The following PCDHA10 variants were observed in gnomAD, a reference collection of about 807,000 sequenced individuals.
PCDHA10 encodes protocadherin alpha-10.
In PCDHA10, 45 loss-of-function variants were observed where a neutral mutation model predicts 61.2. The observed-to-expected ratio is 0.74, with a 90% CI of 0.58 to 0.94. PCDHA10 has a LOEUF of 0.94. PCDHA10 is among the 40% of genes least tolerant of loss of function. The pLI is 0.00. For missense variants in PCDHA10, 1,278 were observed against 1,236.2 expected, an observed-to-expected ratio of 1.03 and a Z score of -0.51; for synonymous variants, 602 against 548.8, an observed-to-expected ratio of 1.10 and a Z score of -1.35.
intron 1 of PCDHA10, chr5:140,870,013 A>C: frequency 6.2e-7 from 1 of 1,613,716 alleles, no homozygotes; most frequent in Non-Finnish European, 8.5e-7. Context: ...AGTGAGGGTC[A>C]ATGGAACTTT....
chr5:140,976,691 C>T (rs1219355793), intron 1 of PCDHA10, among the ~76,000 whole-genome samples: 1 of 152,126 alleles, frequency 6.6e-6, no homozygotes, highest in Non-Finnish European at 1.5e-5. Context: ...AATTTAAGTA[C>T]AATAATGTTG....
intron 3 of PCDHA10, among the ~76,000 whole-genome samples, chr5:141,001,004 T>C (rs2097982470): frequency 1.3e-5 from 2 of 152,368 alleles, no homozygotes; most frequent in South Asian, 4.1e-4. Flanking sequence ...TTTAAATATG[T>C]ATTTAGATAT....
rs113142258 is a variant in PCDHA10, at chr5:140,939,756, T to C, written c.2389-39193T>C. 3.3e-3 allele frequency among the ~76,000 whole-genome samples: 504 copies of C among 152,358 alleles called. 2 individuals carry two copies. Among genetic ancestry groups the C allele is most frequent in the African/African-American group, 0.012 (483 of 41,584 alleles). Reference sequence around the variant, plus strand: ...AGCTGTGTATCATTCATTGTCATTATATAGTATTTCAGGGTGTGAATGGTC... The same window carrying C: ...AGCTGTGTATCATTCATTGTCATTACATAGTATTTCAGGGTGTGAATGGTC... On this transcript the variant is annotated intron_variant, in intron 1 of 3. Transcript: ENST00000307360.
At chr5:140,874,436 C>T (rs1407636354) in intron 1 of PCDHA10, among the ~76,000 whole-genome samples, 3 of 152,286 alleles carry the variant, frequency 2.0e-5, no homozygotes, top group East Asian at 3.9e-4. Flanking sequence ...GAAGCATGTC[C>T]TAACTACTAA....
intron 1 of PCDHA10, chr5:140,870,599 G>A: frequency 6.2e-7 from 1 of 1,613,396 alleles, no homozygotes; most frequent in South Asian, 1.1e-5. Flanking sequence ...CGGCGGTTGG[G>A]CGACCGCGCG....
In PCDHA10 at chr5:140,900,825, C is replaced by T. The variant is rs568337253; in HGVS notation, c.2388+42389C>T. On this transcript the variant is annotated intron_variant, in intron 1 of 3. Coordinates refer to ENST00000307360, the MANE Select transcript of PCDHA10 (RefSeq NM_018901.4). Reference sequence around the variant, plus strand: ...TGCTTGTACTAATTTACATTCCCACCAACAATGTACAAAGTTTCCCTTTTT... The same window carrying T: ...TGCTTGTACTAATTTACATTCCCACTAACAATGTACAAAGTTTCCCTTTTT... Among the ~76,000 whole-genome samples, 8 of 152,276 alleles carry T rather than the reference C, an allele frequency of 5.3e-5. No homozygotes were observed. The South Asian group carries it at 1.7e-3, about 32-fold the overall frequency.
intron 1 of PCDHA10, among the ~76,000 whole-genome samples, chr5:140,950,208 C>G (rs1377059178): frequency 1.3e-5 from 2 of 151,900 alleles, no homozygotes; most frequent in Non-Finnish European, 2.9e-5. Context: ...TTCTGTTTAC[C>G]TAGTCATTTA....
chr5:140,863,407 C>A (rs1343146552), intron 1 of PCDHA10: 4 of 788,794 alleles, frequency 5.1e-6, no homozygotes, highest in African/African-American at 1.7e-5. Flanking sequence ...CAAGCCCACG[C>A]TGGTGTACCG....
intron 1 of PCDHA10, among the ~76,000 whole-genome samples, chr5:140,947,308 A>G (rs1554218155): frequency 1.3e-5 from 2 of 151,606 alleles, no homozygotes; most frequent in Non-Finnish European, 3.0e-5. Context: ...ACATCTTTGT[A>G]AAAAGTCGGT....
At chr5:140,865,558 T>C (rs991717581) in intron 1 of PCDHA10, 1 of 152,224 alleles carries the variant, frequency 6.6e-6, no homozygotes, top group Non-Finnish European at 1.5e-5. Flanking sequence ...AGAGCCAATA[T>C]TGATCAGTAA....
At chr5:140,953,227 G>A (rs269546) in intron 1 of PCDHA10, among the ~76,000 whole-genome samples, 34,007 of 151,960 alleles carry the variant, frequency 0.22, 4,902 homozygotes, top group African/African-American at 0.41. Flanking sequence ...GCTTCTGCTT[G>A]GTAGCAGTTC....
chr5:140,977,484 G>A (rs2096763384), intron 1 of PCDHA10, among the ~76,000 whole-genome samples: 1 of 152,220 alleles, frequency 6.6e-6, no homozygotes. Flanking sequence ...TTTATGCTAT[G>A]TTATATGGAA....
intron 2 of PCDHA10, among the ~76,000 whole-genome samples, chr5:140,981,116 A>G (rs533489885): frequency 6.6e-6 from 1 of 152,344 alleles, no homozygotes; most frequent in African/African-American, 2.4e-5. Flanking sequence ...TCTACTGGAT[A>G]TGTTGTTTGA....
At chr5:140,991,505 G>T (rs2097456335) in intron 3 of PCDHA10, among the ~76,000 whole-genome samples, 1 of 152,180 alleles carries the variant, frequency 6.6e-6, no homozygotes, top group Admixed American at 6.5e-5. Context: ...AGTTTCACTG[G>T]CTAAAATCAA....
chr5:140,982,649 G>T, intron 3 of PCDHA10, 86 bp downstream of exon 3: 2 of 1,504,320 alleles, frequency 1.3e-6, no homozygotes, highest in South Asian at 1.3e-5. Context: ...AATGTTGATG[G>T]CTCTTTTTCT....
chr5:140,870,427 G>A, intron 1 of PCDHA10: 1 of 1,614,220 alleles, frequency 6.2e-7, no homozygotes, highest in Non-Finnish European at 8.5e-7. Flanking sequence ...CAGGGTATCC[G>A]TGGAGGTGGC....
rs375705333 is a variant in PCDHA10 at position 140,927,955 on chromosome 5, C to T, written c.2389-50994C>T. On this transcript the variant is annotated intron_variant, in intron 1 of 3. Coordinates refer to ENST00000307360, the MANE Select transcript of PCDHA10 (RefSeq NM_018901.4). ...GAACCCAGTACCTGAGGACGCTGCC[C>T]CTGGCACAGTGATTGCTCTCTTTAG... 34 of 1,614,198 alleles carry T rather than the reference C, an allele frequency of 2.1e-5. 1 individual carries two copies. In the Middle Eastern group the frequency reaches 9.9e-4, roughly 47 times the overall value.
chr5:140,883,806 A>T (rs1554180079), intron 1 of PCDHA10: 1 of 1,612,344 alleles, frequency 6.2e-7, no homozygotes, highest in East Asian at 2.2e-5. Flanking sequence ...GTGCACGCGG[A>T]GAGCGGCAAG....
At chr5:140,966,789 C>T (rs782194817) in intron 1 of PCDHA10, 3 of 1,528,688 alleles carry the variant, frequency 2.0e-6, no homozygotes, top group Non-Finnish European at 2.6e-6. Flanking sequence ...GGCACCAGAC[C>T]TGCGGCGACA....
Sources: gnomAD v4.1 joint callset for allele counts (sites outside exome capture counted in the v4.1 genomes callset) on GRCh38, gnomAD v4.1.1 for gene constraint, MANE v1.5 for transcripts, NCBI Gene and HGNC (gene_info 2026-07-23, HGNC 2026-07-21) for gene names.